Variants in PLEK observed in about 807,000 individuals in gnomAD.
The protein encoded by PLEK is pleckstrin.
Under a neutral mutation model 43.9 loss-of-function variants are expected in PLEK, and 25 were observed. The observed-to-expected ratio is 0.57, with a 90% confidence interval of 0.41 to 0.79. The LOEUF (loss-of-function observed/expected upper bound fraction) is 0.79. Ranked by LOEUF, PLEK falls within the 30% of genes least tolerant of loss-of-function variation. The probability of loss-of-function intolerance (pLI) is 0.00; values close to 1 mark genes in which losing one functional copy is unlikely to be tolerated. For synonymous variants in PLEK, 152 were observed against 144.4 expected, an observed-to-expected ratio of 1.05 and a Z score of -0.38; for missense variants, 396 against 413.3, an observed-to-expected ratio of 0.96 and a Z score of 0.36.
At chr2:68,392,175 C>T in intron 6 of PLEK, among the ~76,000 whole-genome samples, 1 of 145,604 alleles carries the variant, frequency 6.9e-6, no homozygotes, top group South Asian at 2.1e-4. Context: ...CCTCCTCCTC[C>T]TTCTTCTTCT....
chr2:68,382,665 A>C, intron 4 of PLEK, 32 bp downstream of exon 4: 1 of 1,244,092 alleles, frequency 8.0e-7, no homozygotes, highest in Non-Finnish European at 1.2e-6. Flanking sequence ...AAATAGGGCG[A>C]CTGGGAAGGC....
At chr2:68,365,940 A>G (rs1673263874) in intron 1 of PLEK, among the ~76,000 whole-genome samples, 1 of 152,176 alleles carries the variant, frequency 6.6e-6, no homozygotes, top group Admixed American at 6.5e-5. Flanking sequence ...TTCACTCACA[A>G]TTCTTAGTAA....
At chr2:68,387,087 C>T (rs1189005252) in intron 5 of PLEK, among the ~76,000 whole-genome samples, 1 of 152,136 alleles carries the variant, frequency 6.6e-6, no homozygotes, top group Non-Finnish European at 1.5e-5. Flanking sequence ...CTCACTGCAA[C>T]CTCCGCCTCC....
chr2:68,383,936 T>C (rs968938580), intron 4 of PLEK, among the ~76,000 whole-genome samples: 5 of 152,084 alleles, frequency 3.3e-5, no homozygotes, highest in Admixed American at 1.3e-4. Flanking sequence ...GGGCTGAGAT[T>C]TGGGATCAAG....
chr2:68,375,157 A>G (rs1455624069), intron 1 of PLEK, among the ~76,000 whole-genome samples: 2 of 152,178 alleles, frequency 1.3e-5, no homozygotes, highest in Non-Finnish European at 2.9e-5. Flanking sequence ...CCTGCCAGCT[A>G]TGTTTGGTAC....
At chr2:68,388,260 G>T in intron 5 of PLEK, 127 bp from the exon 6 acceptor site, 1 of 644,980 alleles carries the variant, frequency 1.6e-6, no homozygotes, top group Non-Finnish European at 2.9e-6. Flanking sequence ...AGATTGGGAT[G>T]TACACAGGAA....
chr2:68,379,065 C>T (rs1238964333), intron 1 of PLEK, among the ~76,000 whole-genome samples: 2 of 152,060 alleles, frequency 1.3e-5, no homozygotes, highest in African/African-American at 4.8e-5. Context: ...ACCTGACAGG[C>T]GGAGCTTGCA....
chr2:68,394,946 T>C (rs1009573389), intron 8 of PLEK, among the ~76,000 whole-genome samples: 4 of 152,210 alleles, frequency 2.6e-5, no homozygotes, highest in Non-Finnish European at 5.9e-5. Context: ...AGAGTTTTAC[T>C]GTGCCTGAAT....
intron 1 of PLEK, among the ~76,000 whole-genome samples, chr2:68,366,712 C>A (rs1036838153): frequency 5.9e-5 from 9 of 152,192 alleles, no homozygotes; most frequent in Admixed American, 5.2e-4. Flanking sequence ...CACACTTATA[C>A]ATAGAAGTGT....
At position 68,395,666 on chromosome 2, in the gene PLEK, TTC is replaced by T; in HGVS notation, c.917-10_917-9del. 6.2e-7 allele frequency: 1 copy of T among 1,614,050 alleles called. No individual in the cohort carries two copies. The highest frequency in any genetic ancestry group is 2.2e-5 in the East Asian group (1 of 44,882). ...ATGCCTGTGCGTGCTGCCATTTGCCTTCTCTTTCCCCAGGCAGGAAGAGTGAG... is the reference window on the plus strand; with the variant it reads ...ATGCCTGTGCGTGCTGCCATTTGCCTTCTTTCCCCAGGCAGGAAGAGTGAG... On this transcript the variant is annotated splice_polypyrimidine_tract_variant and intron_variant, in intron 8 of 8. Coordinates refer to ENST00000234313, the MANE Select transcript of PLEK (RefSeq NM_002664.3).
rs187322115 is a variant in PLEK, at chr2:68,380,916, T to C, written c.380+12T>C. ...ACCATTGACTTAGGGTGATTTTCTGTGTTTACTTCTCTTTACCCATTCCTT... is the reference window on the plus strand; with the variant it reads ...ACCATTGACTTAGGGTGATTTTCTGCGTTTACTTCTCTTTACCCATTCCTT... On this transcript the variant is annotated intron_variant, in intron 3 of 8. Transcript: ENST00000234313. The C allele has an allele frequency of 7.5e-5, 120 of 1,608,032 alleles. No individual in the cohort carries two copies. In the African/African-American group the frequency reaches 1.2e-3, roughly 16 times the overall value.
intron 4 of PLEK, 105 bp downstream of exon 4, chr2:68,382,738 G>A (rs878891373): frequency 1.5e-6 from 1 of 654,428 alleles, no homozygotes; most frequent in Non-Finnish European, 2.8e-6. Context: ...GGGTTGGAAG[G>A]GGTCCCAGAA....
At chr2:68,369,041 C>T (rs1264209043) in intron 1 of PLEK, among the ~76,000 whole-genome samples, 1 of 152,196 alleles carries the variant, frequency 6.6e-6, no homozygotes, top group Non-Finnish European at 1.5e-5. Context: ...CTGGATCTAC[C>T]TTGTCTTCTA....
chr2:68,385,557 A>C (rs1673722380), intron 4 of PLEK, among the ~76,000 whole-genome samples: 1 of 137,048 alleles, frequency 7.3e-6, no homozygotes, highest in Non-Finnish European at 1.6e-5. Context: ...CCCACCCTTC[A>C]CCTCCCTCCT....
chr2:68,376,210 A>T (rs1235352935), intron 1 of PLEK, among the ~76,000 whole-genome samples: 1 of 152,188 alleles, frequency 6.6e-6, no homozygotes, highest in Non-Finnish European at 1.5e-5. Flanking sequence ...CTCAGTCTGA[A>T]TTGACACTTG....
chr2:68,386,682 A>T lies in PLEK; in HGVS notation c.653A>T (p.Tyr218Phe), dbSNP rs767839424. Residue 218 changes from tyrosine (Y) to phenylalanine (F), a missense_variant, in exon 5 of 9, where the codon TAC becomes TTC. Coordinates refer to ENST00000234313, the MANE Select transcript of PLEK (RefSeq NM_002664.3). ...CTGGACAACCCTGATGCCTTCTACTACTTTGTAAGAAAAGCTCCCCATCTC... is the reference window on the plus strand; with the variant it reads ...CTGGACAACCCTGATGCCTTCTACTTCTTTGTAAGAAAAGCTCCCCATCTC... ...PFLDNPDAFY[Y>F]FPDSGFFCEE... The T allele has an allele frequency of 6.2e-7, 1 of 1,611,128 alleles. No individual in the cohort carries two copies. Among genetic ancestry groups the T allele is most frequent in the African/African-American group, 1.3e-5 (1 of 74,844 alleles).
intron 7 of PLEK, 28 bp downstream of exon 7, chr2:68,393,273 T>G: frequency 7.2e-7 from 1 of 1,392,780 alleles, no homozygotes; most frequent in Non-Finnish European, 1.0e-6. Flanking sequence ...ATAAATCCAT[T>G]CAAATAAATA....
intron 1 of PLEK, among the ~76,000 whole-genome samples, chr2:68,377,421 C>T (rs62143899): frequency 0.27 from 41,079 of 152,044 alleles, 5,747 homozygotes; most frequent in Middle Eastern, 0.37. Context: ...TCCACATCCT[C>T]AAAAACATTT....
intron 6 of PLEK, 96 bp from the exon 7 acceptor site, chr2:68,393,066 T>C: frequency 1.2e-6 from 1 of 815,960 alleles, no homozygotes; most frequent in Non-Finnish European, 2.2e-6. Context: ...CTCTTTCTTT[T>C]CTCAATTCAG....
Sources: allele counts gnomAD v4.1 joint callset (sites outside exome capture counted in the v4.1 genomes callset), GRCh38; gene constraint gnomAD v4.1.1; transcripts MANE v1.5; gene names NCBI Gene and HGNC (gene_info 2026-07-23, HGNC 2026-07-21).